The following ECEL1 variants were observed in gnomAD, a reference collection of about 807,000 sequenced individuals.
ECEL1 encodes the protein endothelin converting enzyme like 1, also known as endothelin-converting enzyme-like 1.
A neutral mutation model predicts 101.8 loss-of-function variants in ECEL1; 87 were observed. The ratio of observed to expected loss-of-function variants is 0.85; its 90% CI spans 0.72 to 1.02. The LOEUF is 1.02. ECEL1 is among the 50% of genes least tolerant of loss of function. The pLI is 0.00. For synonymous variants in ECEL1, 487 were observed against 468.7 expected (o/e 1.04, Z -0.50); for missense variants, 1,032 against 1,079.2 (o/e 0.96, Z 0.61).
rs1380167462 is a variant in ECEL1, at chr2:232,479,837, T to C, written c.*316A>G. The C allele has an allele frequency of 7.9e-6, 3 of 377,860 alleles. No individual in the cohort carries two copies. The highest frequency in any genetic ancestry group is 1.5e-5 in the Non-Finnish European group (3 of 204,314). 23.4% of individuals were successfully genotyped at this position (377,860 alleles called of 1,614,324 possible). The stretch of plus-strand genomic sequence containing the variant: ...TGAAGAGGCCAAGGCAACAGTGCAG[T>C]GATTTATTGACCAGACTTTGCAGCA... On this transcript the variant is annotated 3_prime_UTR_variant, in exon 18 of 18. Coordinates refer to ENST00000304546, the MANE Select transcript of ECEL1 (RefSeq NM_004826.4).
In ECEL1 at chr2:232,480,175, G is replaced by T; in HGVS notation, c.2306C>A (p.Ala769Asp). Residue 769 changes from alanine to aspartate, a missense_variant, in exon 18 of 18, where the codon GCC becomes GAC. Physicochemically the swap from Ala to Asp is moderately radical, Grantham distance 126. Transcript: ENST00000304546. ...GGCTCACCACACGGAACACTTGTGG[G>T]CAGGGTTCATGGGTGAGTCCTTGGG... ...HCPKDSPMNP[A>D]HKCSVW 1 of 1,613,852 alleles carries T rather than the reference G, an allele frequency of 6.2e-7. No homozygotes were observed. Among genetic ancestry groups the T allele is most frequent in the Non-Finnish European group, 8.5e-7 (1 of 1,179,926 alleles).
In ECEL1 at chr2:232,482,458, C is replaced by T. The variant is rs374808652; in HGVS notation, c.1756G>A (p.Gly586Ser). 10 of 1,613,850 alleles carry T rather than the reference C, an allele frequency of 6.2e-6. No individual in the cohort carries two copies. Among genetic ancestry groups the T allele is most frequent in the Non-Finnish European group, 8.5e-6 (10 of 1,180,006 alleles). ...TCGTACAGGGTGGGCTGCAGGATGC[C>T]CGCGGGGAACACTACAAGAAGGGGG... ...PNKNQMVFPA[G>S]ILQPTLYDPD... is the part of the protein sequence containing the mutation. The change falls in exon 12 of 18, where the codon GGC becomes AGC. Residue 586 changes from glycine (G) to serine (S), a missense_variant. Coordinates refer to ENST00000304546, the MANE Select transcript of ECEL1 (RefSeq NM_004826.4).
rs765180711 is a variant in ECEL1 at position 232,484,114 on chromosome 2, C to T, written c.1294G>A (p.Asp432Asn). 2.0e-5 allele frequency: 32 copies of T among 1,613,742 alleles called. No individual in the cohort carries two copies. Among genetic ancestry groups the T allele is most frequent in the Non-Finnish European group, 2.5e-5 (29 of 1,180,034 alleles). Residue 432 changes from aspartate (D) to asparagine (N), a missense_variant, in exon 7 of 18, where the codon GAC (aspartate) becomes AAC (asparagine). Asp to Asn is a conservative substitution (Grantham distance 23, BLOSUM62 1). Transcript: ENST00000304546. ...ACCCGGGCCAGCTCCTGTGGCTTGT[C>T]GCTGCCCTCCATCTCCTGTGCCAGC... ...HELAQEMEGS[D>N]KPQELARVCL...
chr2:232,480,825 G>C lies in ECEL1; in HGVS notation c.2056-12C>G, dbSNP rs368871292. The C allele has an allele frequency of 6.2e-7, 1 of 1,609,344 alleles. No individual in the cohort carries two copies. Among genetic ancestry groups the C allele is most frequent in the African/African-American group, 1.3e-5 (1 of 74,504 alleles). ...CACTTCTGATAGGCCTGGGGACACA[G>C]AGAGCATGGACCTGCTATGCCCGCC... On this transcript the variant is annotated splice_polypyrimidine_tract_variant and intron_variant, in intron 15 of 17. Coordinates refer to ENST00000304546, the MANE Select transcript of ECEL1 (RefSeq NM_004826.4).
intron 1 of ECEL1, among the ~76,000 whole-genome samples, chr2:232,487,315 C>T (rs1174427574): frequency 2.6e-5 from 4 of 152,204 alleles, no homozygotes; most frequent in Admixed American, 1.3e-4. Context: ...CCACTCGCCC[C>T]TTCCCTAGGG....
At chr2:232,483,919 T>C (rs1690650550) in intron 7 of ECEL1, 82 bp downstream of exon 7, 1 of 1,434,702 alleles carries the variant, frequency 7.0e-7, no homozygotes, top group African/African-American at 1.4e-5. Context: ...CATGTGGGGC[T>C]CCCCATATTA....
intron 16 of ECEL1, 45 bp downstream of exon 16, chr2:232,480,673 T>C: frequency 1.2e-6 from 2 of 1,600,936 alleles, no homozygotes; most frequent in Non-Finnish European, 1.7e-6. Flanking sequence ...CTGGATGCCG[T>C]GTCCCCACCC....
chr2:232,481,834 C>T lies in ECEL1; in HGVS notation c.1812G>A (p.Gly604=), dbSNP rs1275837794. The change falls in exon 13 of 18, where the codon GGG becomes GGA. Residue 604 remains glycine (G), a synonymous_variant. Coordinates refer to ENST00000304546, the MANE Select transcript of ECEL1 (RefSeq NM_004826.4). ...DPDFPQSLNY[G]GIGTIIGHEL... Reference sequence around the variant, plus strand: ...CATGTCCAATGATGGTGCCGATGCCCCCGTAGTTGAGAGACCTGGGCCCAC... The same window carrying T: ...CATGTCCAATGATGGTGCCGATGCCTCCGTAGTTGAGAGACCTGGGCCCAC... The T allele has an allele frequency of 2.5e-6, 4 of 1,613,992 alleles. No homozygotes were observed. The South Asian group carries it at 3.3e-5, about 13-fold the overall frequency.
rs1690602865 is a variant in ECEL1 at position 232,482,414 on chromosome 2, T to A, written c.1796+4A>T. The A allele has an allele frequency of 6.2e-7, 1 of 1,613,724 alleles. No homozygotes were observed. The highest frequency in any genetic ancestry group is 8.5e-7 in the Non-Finnish European group (1 of 1,180,008). On this transcript the variant is annotated splice_donor_region_variant and intron_variant, in intron 12 of 17. Transcript: ENST00000304546. ...GCCACAAACAGGGCAAGCTATGTAC[T>A]CACTGTGGGAAGTCAGGGTCGTACA...
Position 232,484,186 on chromosome 2 carries a change from C to T in ECEL1, c.1222G>A (p.Val408Ile). The T allele has an allele frequency of 6.2e-7, 1 of 1,613,074 alleles. No individual in the cohort carries two copies. Among genetic ancestry groups the T allele is most frequent in the South Asian group, 1.1e-5 (1 of 91,068 alleles). Residue 408 changes from valine to isoleucine, a missense_variant, in exon 7 of 18, where the codon GTC (valine) becomes ATC (isoleucine). By Grantham distance (29) the Val-to-Ile change is conservative. Transcript: ENST00000304546. ...GGCGGGGACAGGTGTTCACTCAGGA[C>T]CACCACCACGCGCCACACCAGGTAG... ...HNYLVWRVVV[V>I]LSEHLSPPFR... is the part of the protein sequence containing the mutation.
Position 232,480,433 on chromosome 2 carries a change from C to G in ECEL1, c.2194G>C (p.Val732Leu). The stretch of plus-strand genomic sequence containing the variant: ...TCAGGGGCATGCTTGTCAGTCAGCA[C>G]CTGCAGGTAGATGGACTGCGACCGC... ...KRRSQSIYLQ[V>L]LTDKHAPEHY... is the part of the protein sequence containing the mutation. Residue 732 changes from valine (V) to leucine (L), a missense_variant, in exon 17 of 18, where the codon GTG (valine) becomes CTG (leucine). Coordinates refer to ENST00000304546, the MANE Select transcript of ECEL1 (RefSeq NM_004826.4). 1 of 1,614,006 alleles carries G rather than the reference C, an allele frequency of 6.2e-7. No individual in the cohort carries two copies. The highest frequency in any genetic ancestry group is 8.5e-7 in the Non-Finnish European group (1 of 1,180,000).
rs1024506547 is a variant in ECEL1, at chr2:232,486,131, C to T, written c.523G>A (p.Ala175Thr). ...AAGGCGCGCACCTTGCGCTGGGCCG[C>T]GCCGCCAGGCCCACCCCCGGGCCGC... ...LARPGGGPGG[A>T]AQRKVRAFFR... is the part of the protein sequence containing the mutation. Residue 175 changes from alanine to threonine, a missense_variant, in exon 2 of 18, where the codon GCG becomes ACG. Physicochemically the swap from Ala to Thr is moderately conservative, Grantham distance 58 (BLOSUM62 0). Coordinates refer to ENST00000304546, the MANE Select transcript of ECEL1 (RefSeq NM_004826.4). 3 of 1,562,886 alleles carry T rather than the reference C, an allele frequency of 1.9e-6. No homozygotes were observed. Among genetic ancestry groups the T allele is most frequent in the Admixed American group, 3.7e-5 (2 of 53,484 alleles).
Position 232,482,419 on chromosome 2 carries a change from G to A in ECEL1, c.1795C>T (p.Gln599Ter). ...QPTLYDPDFP[Q>*]SLNYGGIGTI... Reference sequence around the variant, plus strand: ...AAACAGGGCAAGCTATGTACTCACTGTGGGAAGTCAGGGTCGTACAGGGTG... The same window carrying A: ...AAACAGGGCAAGCTATGTACTCACTATGGGAAGTCAGGGTCGTACAGGGTG... The change falls in exon 12 of 18, where the codon CAG becomes TAG. Residue 599 changes from glutamine to a stop codon, truncating the protein, a stop_gained and splice_region_variant. Transcript: ENST00000304546. LOFTEE classifies it high-confidence loss of function. The A allele has an allele frequency of 5.0e-6, 8 of 1,613,938 alleles. No homozygotes were observed. Among genetic ancestry groups the A allele is most frequent in the Non-Finnish European group, 6.8e-6 (8 of 1,180,026 alleles).
rs1169599765 is a variant in ECEL1, at chr2:232,480,262, G to A, written c.2229-10C>T. 2.5e-6 allele frequency: 4 copies of A among 1,613,414 alleles called. No homozygotes were observed. The highest frequency in any genetic ancestry group is 3.4e-6 in the Non-Finnish European group (4 of 1,179,732). On this transcript the variant is annotated splice_polypyrimidine_tract_variant and intron_variant, in intron 17 of 17. Transcript: ENST00000304546. ...CACACTGCCCAGCACCCTGGGGTGG[G>A]GAGAGACCCACACAGTGTTGGGCCC...
chr2:232,486,525 G>A lies in ECEL1; in HGVS notation c.129C>T (p.Arg43=). The A allele has an allele frequency of 7.5e-7, 1 of 1,340,582 alleles. No homozygotes were observed. The allele number at this position is 1,340,582 out of a possible 1,614,324, so 83.0% of individuals were successfully genotyped here. A position where few individuals can be genotyped will look rare whatever the true frequency, so the allele number is the denominator to read the frequency against. Residue 43 remains arginine (R), a synonymous_variant, in exon 2 of 18, where the codon CGC becomes CGT. Transcript: ENST00000304546. The part of the protein sequence containing the change: ...LPPGFPLGAA[R]SATGARSGLP... ...GCCCGGACCGGGCCCCGGTGGCGCT[G>A]CGCGCAGCGCCCAACGGGAAGCCCG... is the stretch of plus-strand genomic sequence containing the variant.
chr2:232,486,199 G>A lies in ECEL1; in HGVS notation c.455C>T (p.Ala152Val). The A allele has an allele frequency of 6.3e-7, 1 of 1,597,626 alleles. No homozygotes were observed. The highest frequency in any genetic ancestry group is 8.5e-7 in the Non-Finnish European group (1 of 1,177,188). ...GCGCTCCTCGTTTTGCTCGCCGATG[G>A]CCGCGATGGTGCCATAGGTGAGCTT... Reference protein sequence around the residue: ...DDKLTYGTIAAIGEQNEERLR... With the variant: ...DDKLTYGTIAVIGEQNEERLR... The change falls in exon 2 of 18, where the codon GCC becomes GTC. Residue 152 changes from alanine to valine, a missense_variant. Physicochemically the swap from Ala to Val is moderately conservative, Grantham distance 64. Transcript: ENST00000304546.
At chr2:232,486,878 C>T (rs1690743656) in intron 1 of ECEL1, 124 bp from the exon 2 acceptor site, 2 of 401,994 alleles carry the variant, frequency 5.0e-6, no homozygotes, top group Non-Finnish European at 8.5e-6. Context: ...ACTGCGGAAA[C>T]CAGGGACTAT....
rs6750085 is a variant in ECEL1 at position 232,483,209 on chromosome 2, C to G, written c.1507-30G>C. The G allele has an allele frequency of 0.41, 644,156 of 1,583,368 alleles. 134,034 individuals carry two copies. Among genetic ancestry groups the G allele is most frequent in the Non-Finnish European group, 0.43 (499,679 of 1,165,144 alleles). On this transcript the variant is annotated intron_variant, in intron 8 of 17. Coordinates refer to ENST00000304546, the MANE Select transcript of ECEL1 (RefSeq NM_004826.4). ...GGGCCGAGGGCAGGTGAAGGTGGCA[C>G]CAGGCCTCGGGAGACAGCCCCCCGC...
At chr2:232,481,036 CTCA>C in intron 15 of ECEL1, 52 bp downstream of exon 15, 1 of 1,544,918 alleles carries the variant, frequency 6.5e-7, no homozygotes. Flanking sequence ...ATCTGGAGTC[CTCA>C]TCAGCCCCCG....
Sources: gnomAD v4.1 joint callset for allele counts (sites outside exome capture counted in the v4.1 genomes callset) on GRCh38, gnomAD v4.1.1 for gene constraint, MANE v1.5 for transcripts, NCBI Gene and HGNC (gene_info 2026-07-23, HGNC 2026-07-21) for gene names.